The following RIMS2 variants were observed in gnomAD, a reference collection of about 807,000 sequenced individuals.
The protein encoded by RIMS2 is regulating synaptic membrane exocytosis protein 2.
RIMS2 carries 59 observed loss-of-function variants against 174.4 expected under a neutral mutation model. The ratio of observed to expected loss-of-function variants is 0.34; its 90% confidence interval spans 0.27 to 0.42. The LOEUF (loss-of-function observed/expected upper bound fraction) is 0.42, where lower values mean the gene tolerates loss of function less well. RIMS2 is among the 10% of genes least tolerant of loss of function. The probability of loss-of-function intolerance (pLI) is 1.00; values close to 1 mark genes in which losing one functional copy is unlikely to be tolerated. For synonymous variants in RIMS2, 606 were observed against 572.5 expected (o/e 1.06, Z -0.84); for missense variants, 1,620 against 1,666.3 (o/e 0.97, Z 0.48).
chr8:103,942,491 G>A lies in RIMS2; in HGVS notation c.2548-282G>A, dbSNP rs563404108. 4.1e-4 allele frequency among the ~76,000 whole-genome samples: 62 copies of A among 152,202 alleles called. No homozygotes were observed. The South Asian group carries it at 9.7e-3, about 24-fold the overall frequency. On this transcript the variant is annotated intron_variant, in intron 13 of 23. Coordinates refer to ENST00000504942, the Ensembl canonical transcript of RIMS2. ...TTATTACAGTCATTTAAAATGAAAA[G>A]TGTTATTTTTGTAATGGTAAATTTG...
intron 17 of RIMS2, among the ~76,000 whole-genome samples, chr8:104,011,449 A>C (rs911311239): frequency 6.6e-6 from 1 of 152,092 alleles, no homozygotes; most frequent in Non-Finnish European, 1.5e-5. Flanking sequence ...ATAACGAGAC[A>C]TTTTTTGTAA....
intron 10 of RIMS2, among the ~76,000 whole-genome samples, chr8:103,925,434 T>C (rs2078583259): frequency 2.0e-5 from 3 of 151,522 alleles, no homozygotes; most frequent in Admixed American, 2.0e-4. Flanking sequence ...AAATGACAGG[T>C]TTTTTTGAGC....
chr8:103,534,562 C>T (rs1043738477), intron 1 of RIMS2, among the ~76,000 whole-genome samples: 3 of 151,990 alleles, frequency 2.0e-5, no homozygotes, highest in Non-Finnish European at 4.4e-5. Context: ...GATATCAGTA[C>T]GTATTTGTAT....
At chr8:103,667,573 A>G (rs933364291) in intron 1 of RIMS2, among the ~76,000 whole-genome samples, 5 of 152,204 alleles carry the variant, frequency 3.3e-5, no homozygotes, top group African/African-American at 9.7e-5. Flanking sequence ...TTCATGTATC[A>G]AAGCATAGGT....
chr8:103,911,656 C>T (rs1387229016), intron 5 of RIMS2, among the ~76,000 whole-genome samples: 1 of 152,108 alleles, frequency 6.6e-6, no homozygotes, highest in Non-Finnish European at 1.5e-5. Flanking sequence ...AGGAAATTTT[C>T]ATTTTTAAAT....
At chr8:103,766,204 TC>T in intron 2 of RIMS2, 22 bp from the exon 6 acceptor site, 1 of 1,523,656 alleles carries the variant, frequency 6.6e-7, no homozygotes, top group Non-Finnish European at 8.9e-7. Flanking sequence ...ACTAATTTTT[TC>T]CCCCTATGTC....
intron 3 of RIMS2, among the ~76,000 whole-genome samples, chr8:103,867,564 G>A (rs1245292899): frequency 6.6e-6 from 1 of 151,798 alleles, no homozygotes; most frequent in Non-Finnish European, 1.5e-5. Context: ...AAGGTAAAAA[G>A]CTAATAATGA....
chr8:103,572,884 G>A (rs773215544), intron 1 of RIMS2, among the ~76,000 whole-genome samples: 3 of 152,074 alleles, frequency 2.0e-5, no homozygotes, highest in Non-Finnish European at 2.9e-5. Context: ...TTCTTTTGCT[G>A]TAGAGAAGCT....
rs183575983 is a variant in RIMS2 at position 104,160,130 on chromosome 8, C to T, written c.3335-84786C>T. On this transcript the variant is annotated intron_variant, in intron 19 of 23. Transcript: ENST00000504942. ...CTCCAGCTTGGGTGACAGAACAAGACTCCATCTCAAAAAAAAAAAGAGTCA... is the reference window on the plus strand; with the variant it reads ...CTCCAGCTTGGGTGACAGAACAAGATTCCATCTCAAAAAAAAAAAGAGTCA... Among the ~76,000 whole-genome samples the T allele has an allele frequency of 1.3e-3, 192 of 144,188 alleles. 1 individual carries two copies. The highest frequency in any genetic ancestry group is 5.1e-3 in the African/African-American group (191 of 37,296). The allele number at this position is 144,188 out of a possible 152,430, so 94.6% of individuals were successfully genotyped here.
intron 1 of RIMS2, among the ~76,000 whole-genome samples, chr8:103,658,024 G>A (rs897733220): frequency 1.1e-4 from 16 of 152,312 alleles, no homozygotes; most frequent in South Asian, 2.1e-4. Flanking sequence ...CTCCGATACC[G>A]TAGTTGCTTC....
intron 19 of RIMS2, among the ~76,000 whole-genome samples, chr8:104,073,860 T>A (rs973935044): frequency 6.6e-6 from 1 of 152,200 alleles, no homozygotes; most frequent in Non-Finnish European, 1.5e-5. Context: ...TAAACTAGTT[T>A]ACGTTAAAAT....
chr8:103,731,519 T>A (rs996037364), intron 2 of RIMS2, among the ~76,000 whole-genome samples: 1 of 152,184 alleles, frequency 6.6e-6, no homozygotes, highest in Non-Finnish European at 1.5e-5. Context: ...TTTGTTATTA[T>A]CCCTTTGAAC....
rs544479010 is a variant in RIMS2, at chr8:103,831,173, A to G, written c.699-54125A>G. The stretch of plus-strand genomic sequence containing the variant: ...GTGAAATGTTTCTCTTTTCCTTGGT[A>G]TTACTGTTTGTGTATAAGTCTTATT... On this transcript the variant is annotated intron_variant, in intron 3 of 23. Transcript: ENST00000504942. 1.1e-3 allele frequency among the ~76,000 whole-genome samples: 164 copies of G among 152,262 alleles called. 1 individual carries two copies. Among genetic ancestry groups the G allele is most frequent in the African/African-American group, 3.5e-3 (144 of 41,556 alleles).
chr8:103,908,552 G>C (rs1565241523), intron 4 of RIMS2, among the ~76,000 whole-genome samples: 5 of 152,064 alleles, frequency 3.3e-5, no homozygotes. Flanking sequence ...CTAACAAGAA[G>C]TGCTCTTCCT....
At chr8:104,130,863 T>C (rs757242186) in intron 19 of RIMS2, among the ~76,000 whole-genome samples, 4 of 152,010 alleles carry the variant, frequency 2.6e-5, no homozygotes, top group Non-Finnish European at 4.4e-5. Flanking sequence ...AAAAAGCAGA[T>C]GTCAAGGCAC....
At chr8:103,707,299 G>A (rs1355841851) in intron 2 of RIMS2, among the ~76,000 whole-genome samples, 1 of 152,180 alleles carries the variant, frequency 6.6e-6, no homozygotes, top group African/African-American at 2.4e-5. Context: ...ATTTGGTGAA[G>A]TCATATGTTC....
At chr8:103,516,721 T>C (rs1448591421) in intron 1 of RIMS2, among the ~76,000 whole-genome samples, 1 of 151,856 alleles carries the variant, frequency 6.6e-6, no homozygotes, top group African/African-American at 2.4e-5. Context: ...AAAATAAATG[T>C]TTTACATGTG....
chr8:103,921,860 A>C (rs1318567072), intron 10 of RIMS2, 76 bp downstream of exon 13: 1 of 623,156 alleles, frequency 1.6e-6, no homozygotes, highest in Non-Finnish European at 2.9e-6. Context: ...TGTTTTTTAC[A>C]AACCAAGTTA....
At chr8:103,652,634 T>C in intron 1 of RIMS2, 1 of 1,348,808 alleles carries the variant, frequency 7.4e-7, no homozygotes, top group Non-Finnish European at 9.8e-7. Context: ...GTGGTTTCCC[T>C]TTAGTGGAAT....
Sources: gnomAD v4.1 joint callset for allele counts (sites outside exome capture counted in the v4.1 genomes callset) on GRCh38, gnomAD v4.1.1 for gene constraint, MANE v1.5 for transcripts, NCBI Gene and HGNC (gene_info 2026-07-23, HGNC 2026-07-21) for gene names.